Variants in CCDC148 observed in about 807,000 individuals in gnomAD.
The protein encoded by CCDC148 is coiled-coil domain-containing protein 148.
In CCDC148, 89 loss-of-function variants were observed where a neutral mutation model predicts 85.7. The observed-to-expected ratio is 1.04, with a 90% confidence interval of 0.87 to 1.24. The LOEUF is 1.24. Ranked by LOEUF, CCDC148 falls within the 50% of genes most tolerant of loss-of-function variation. The pLI is 0.00. For synonymous variants in CCDC148, 230 were observed against 213.9 expected, an observed-to-expected ratio of 1.08 and a Z score of -0.66; for missense variants, 692 against 671.7, an observed-to-expected ratio of 1.03 and a Z score of -0.33.
chr2:158,450,102 T>G (rs570746365), intron 1 of CCDC148, among the ~76,000 whole-genome samples: 1 of 152,102 alleles, frequency 6.6e-6, no homozygotes, highest in South Asian at 2.1e-4. Context: ...ACCCCAGGGA[T>G]GTACAGAAAA....
chr2:158,302,857 G>T (rs902624177), intron 9 of CCDC148, among the ~76,000 whole-genome samples: 1 of 152,062 alleles, frequency 6.6e-6, no homozygotes, highest in Non-Finnish European at 1.5e-5. Flanking sequence ...AGGATGCTGC[G>T]GAATTGAGTG....
intron 1 of CCDC148, among the ~76,000 whole-genome samples, chr2:158,411,174 A>G (rs6437175): frequency 0.79 from 120,603 of 152,004 alleles, 48,992 homozygotes; most frequent in South Asian, 0.91. Flanking sequence ...CCTCTTTATG[A>G]TCAAGCTATT....
intron 9 of CCDC148, among the ~76,000 whole-genome samples, chr2:158,284,639 C>T (rs1690528981): frequency 6.6e-6 from 1 of 152,146 alleles, no homozygotes; most frequent in Non-Finnish European, 1.5e-5. Flanking sequence ...AGCTTTGGTC[C>T]TGGACTTTTA....
intron 7 of CCDC148, among the ~76,000 whole-genome samples, chr2:158,327,908 ACT>A (rs1408879823): frequency 3.3e-5 from 5 of 151,862 alleles, no homozygotes. Context: ...GCTATTGCAA[ACT>A]CTGTTTCTTT....
At chr2:158,340,024 T>G (rs561378330) in intron 5 of CCDC148, among the ~76,000 whole-genome samples, 1 of 152,292 alleles carries the variant, frequency 6.6e-6, no homozygotes, top group East Asian at 1.9e-4. Context: ...ATGAGGCCAC[T>G]GGAACATTCC....
intron 2 of CCDC148, among the ~76,000 whole-genome samples, chr2:158,351,403 C>G (rs917353002): frequency 6.6e-6 from 1 of 152,164 alleles, no homozygotes; most frequent in Non-Finnish European, 1.5e-5. Flanking sequence ...CGAAGCAGGG[C>G]GAGGCACTGC....
At chr2:158,273,086 C>T (rs1689771993) in intron 9 of CCDC148, among the ~76,000 whole-genome samples, 1 of 151,976 alleles carries the variant, frequency 6.6e-6, no homozygotes, top group Non-Finnish European at 1.5e-5. Context: ...GAGTAACTGG[C>T]TATGAAAAAA....
chr2:158,184,835 T>C (rs1441665163), intron 11 of CCDC148, among the ~76,000 whole-genome samples: 2 of 152,152 alleles, frequency 1.3e-5, no homozygotes, highest in African/African-American at 4.8e-5. Flanking sequence ...ACCTCAGACT[T>C]CTGGGCCAGC....
chr2:158,201,831 A>T (rs73011452), intron 11 of CCDC148, among the ~76,000 whole-genome samples: 2,042 of 152,322 alleles, frequency 0.013, 29 homozygotes, highest in East Asian at 0.089. Context: ...ATGGCTAGAT[A>T]CTAATTGATA....
chr2:158,287,551 A>G (rs1240019077), intron 9 of CCDC148, among the ~76,000 whole-genome samples: 1 of 152,222 alleles, frequency 6.6e-6, no homozygotes, highest in Non-Finnish European at 1.5e-5. Flanking sequence ...TCCAAAATCC[A>G]GCAGGGTAGT....
At chr2:158,403,683 C>T (rs1333599429) in intron 1 of CCDC148, among the ~76,000 whole-genome samples, 1 of 142,774 alleles carries the variant, frequency 7.0e-6, no homozygotes, top group East Asian at 2.0e-4. Flanking sequence ...TTGGTCCTGT[C>T]TCAAACACAC....
intron 10 of CCDC148, among the ~76,000 whole-genome samples, chr2:158,223,466 A>T (rs765188400): frequency 6.6e-6 from 1 of 152,192 alleles, no homozygotes; most frequent in South Asian, 2.1e-4. Context: ...AGCTTTGAAG[A>T]GTGTAGTGGT....
At chr2:158,300,504 C>A (rs2105198640) in intron 9 of CCDC148, among the ~76,000 whole-genome samples, 1 of 152,256 alleles carries the variant, frequency 6.6e-6, no homozygotes, top group African/African-American at 2.4e-5. Context: ...AGGGATTCAA[C>A]AAAGTTTTCC....
intron 1 of CCDC148, among the ~76,000 whole-genome samples, chr2:158,372,991 G>T (rs947381290): frequency 6.6e-6 from 1 of 152,034 alleles, no homozygotes; most frequent in African/African-American, 2.4e-5. Context: ...GATGTTATGT[G>T]GCAAAGGGGA....
chr2:158,344,802 T>C (rs1682911040), intron 3 of CCDC148, among the ~76,000 whole-genome samples: 1 of 152,176 alleles, frequency 6.6e-6, no homozygotes, highest in Admixed American at 6.5e-5. Flanking sequence ...TAAAAGCATT[T>C]ACATCTCTCC....
intron 7 of CCDC148, 88 bp from the exon 8 acceptor site, chr2:158,313,982 G>A: frequency 1.5e-6 from 2 of 1,301,638 alleles, no homozygotes; most frequent in Non-Finnish European, 2.1e-6. Flanking sequence ...GCAAGTGATA[G>A]TAACGAAGCA....
At chr2:158,257,959 A>T (rs929073602) in intron 9 of CCDC148, among the ~76,000 whole-genome samples, 2 of 151,886 alleles carry the variant, frequency 1.3e-5, no homozygotes, top group Non-Finnish European at 2.9e-5. Flanking sequence ...AAACTGGACT[A>T]AGGGTAAGAA....
chr2:158,411,555 T>G (rs1292699917), intron 1 of CCDC148, among the ~76,000 whole-genome samples: 1 of 152,180 alleles, frequency 6.6e-6, no homozygotes, highest in Non-Finnish European at 1.5e-5. Flanking sequence ...TCTATTCCTT[T>G]GTTGAACTCA....
chr2:158,254,209 T>C (rs925354665), intron 9 of CCDC148, among the ~76,000 whole-genome samples: 1 of 151,770 alleles, frequency 6.6e-6, no homozygotes, highest in Non-Finnish European at 1.5e-5. Context: ...TAGAGCTATT[T>C]CAATACTGAT....
Sources: gnomAD v4.1 joint callset for allele counts (sites outside exome capture counted in the v4.1 genomes callset) on GRCh38, gnomAD v4.1.1 for gene constraint, MANE v1.5 for transcripts, NCBI Gene and HGNC (gene_info 2026-07-23, HGNC 2026-07-21) for gene names.